The following ZNF704 variants were observed in gnomAD, a reference collection of about 807,000 sequenced individuals.
ZNF704 encodes the protein glucocorticoid induced gene 1.
In ZNF704, 10 loss-of-function variants were observed where a neutral mutation model predicts 44.7. The ratio of observed to expected loss-of-function variants is 0.22; its 90% confidence interval spans 0.14 to 0.38. ZNF704 has a LOEUF of 0.38. ZNF704 is among the 10% of genes least tolerant of loss of function. The pLI is 1.00. For synonymous variants in ZNF704, 211 were observed against 207.6 expected (o/e 1.02, Z -0.14); for missense variants, 390 against 545.5 (o/e 0.71, Z 2.84).
In ZNF704 at chr8:80,659,629, T is replaced by C. The variant is rs746350646; in HGVS notation, c.988A>G (p.Ser330Gly). Residue 330 changes from serine (S) to glycine (G), a missense_variant, in exon 7 of 9, where the codon AGC becomes GGC. Physicochemically the swap from Ser to Gly is moderately conservative, Grantham distance 56. Transcript: ENST00000327835. ...ACCGGAGGAGATTGCCAGGAAATGC[T>C]GAAGCTGCTGCCATTGGGGGTGAAC... is the stretch of plus-strand genomic sequence containing the variant. ...AKFTPNGSSF[S>G]ISWQSPPVTF... 1.2e-6 allele frequency: 2 copies of C among 1,614,058 alleles called. No homozygotes were observed. Among genetic ancestry groups the C allele is most frequent in the East Asian group, 2.2e-5 (1 of 44,880 alleles).
chr8:80,772,177 AT>A (rs1014654814), intron 2 of ZNF704, among the ~76,000 whole-genome samples: 10 of 151,930 alleles, frequency 6.6e-5, no homozygotes, highest in African/African-American at 2.2e-4. Flanking sequence ...CTGTATTCTT[AT>A]TTTTTTTGTA....
At chr8:80,710,598 T>A (rs954232474) in intron 2 of ZNF704, among the ~76,000 whole-genome samples, 1 of 152,118 alleles carries the variant, frequency 6.6e-6, no homozygotes, top group Non-Finnish European at 1.5e-5. Flanking sequence ...GTCATGAAGG[T>A]AGAGCCCCCA....
chr8:80,691,301 C>T (rs1366932900), intron 3 of ZNF704, among the ~76,000 whole-genome samples: 2 of 152,364 alleles, frequency 1.3e-5, no homozygotes, highest in Middle Eastern at 3.4e-3. Context: ...ATTCAGTGGT[C>T]TCAGTGCATT....
At chr8:80,872,496 T>G (rs1045489991) in intron 1 of ZNF704, among the ~76,000 whole-genome samples, 2 of 151,944 alleles carry the variant, frequency 1.3e-5, no homozygotes, top group East Asian at 1.9e-4. Flanking sequence ...TGTTCATGAG[T>G]TTTTTTTCTT....
chr8:80,824,936 G>C (rs576708813), intron 1 of ZNF704, among the ~76,000 whole-genome samples: 3 of 152,264 alleles, frequency 2.0e-5, no homozygotes, highest in South Asian at 2.1e-4. Flanking sequence ...ACTAAACATG[G>C]AAAGGAACAA....
rs575587793 is a variant in ZNF704 at position 80,802,320 on chromosome 8, C to T, written c.221+19054G>A. Reference sequence around the variant, plus strand: ...AAAAAACTGAAAAGGAGGGACTCCTCCCTAACTCATTCTATGAGGCCAGCA... The same window carrying T: ...AAAAAACTGAAAAGGAGGGACTCCTTCCTAACTCATTCTATGAGGCCAGCA... On this transcript the variant is annotated intron_variant, in intron 2 of 8. Coordinates refer to ENST00000327835, the MANE Select transcript of ZNF704 (RefSeq NM_001033723.3). Among the ~76,000 whole-genome samples, 5 of 152,260 alleles carry T rather than the reference C, an allele frequency of 3.3e-5. No homozygotes were observed. The South Asian group carries it at 1.0e-3, about 32-fold the overall frequency.
At chr8:80,834,508 T>TTTCG (rs1554585900) in intron 1 of ZNF704, among the ~76,000 whole-genome samples, 1 of 151,720 alleles carries the variant, frequency 6.6e-6, no homozygotes, top group Non-Finnish European at 1.5e-5. Context: ...GACAGCAAGT[T>TTTCG]TTTGTTTGTT....
chr8:80,772,460 C>T lies in ZNF704; in HGVS notation c.221+48914G>A, dbSNP rs529631835. On this transcript the variant is annotated intron_variant, in intron 2 of 8. Transcript: ENST00000327835. ...GGTCTCAGGAAACTTACAATCATGGCGAAAGGGGAAGGGGAAGCAGGCACA... is the reference window on the plus strand; with the variant it reads ...GGTCTCAGGAAACTTACAATCATGGTGAAAGGGGAAGGGGAAGCAGGCACA... 5.9e-5 allele frequency among the ~76,000 whole-genome samples: 9 copies of T among 151,932 alleles called. No homozygotes were observed. In the South Asian group the frequency reaches 6.3e-4, roughly 11 times the overall value.
intron 1 of ZNF704, among the ~76,000 whole-genome samples, chr8:80,831,706 T>G (rs1808475404): frequency 6.6e-6 from 1 of 152,186 alleles, no homozygotes. Context: ...GCTCACCTTT[T>G]GGGGTAAATG....
At chr8:80,654,355 T>C (rs1293031923) in intron 7 of ZNF704, among the ~76,000 whole-genome samples, 2 of 151,976 alleles carry the variant, frequency 1.3e-5, no homozygotes, top group Non-Finnish European at 2.9e-5. Context: ...CTAATTAAAC[T>C]AAAGAGCTTC....
intron 1 of ZNF704, among the ~76,000 whole-genome samples, chr8:80,838,905 G>A (rs976117886): frequency 3.3e-5 from 5 of 151,910 alleles, no homozygotes; most frequent in South Asian, 4.1e-4. Context: ...GGAGGAGAGC[G>A]GACCCTGGAG....
chr8:80,692,634 G>A (rs1818658213), intron 3 of ZNF704, among the ~76,000 whole-genome samples: 1 of 152,156 alleles, frequency 6.6e-6, no homozygotes, highest in South Asian at 2.1e-4. Flanking sequence ...AGAGTTCTTT[G>A]ATCCAACTGC....
At chr8:80,646,156 T>C (rs1008364808) in intron 7 of ZNF704, among the ~76,000 whole-genome samples, 2 of 152,234 alleles carry the variant, frequency 1.3e-5, no homozygotes, top group African/African-American at 4.8e-5. Context: ...TATTCTGTTA[T>C]AGCAGCACAA....
At chr8:80,725,691 T>C (rs966930534) in intron 2 of ZNF704, among the ~76,000 whole-genome samples, 4 of 152,112 alleles carry the variant, frequency 2.6e-5, no homozygotes, top group African/African-American at 7.2e-5. Flanking sequence ...GACAATATCC[T>C]TCATGAAAAA....
intron 2 of ZNF704, among the ~76,000 whole-genome samples, chr8:80,699,536 G>A (rs1396387201): frequency 6.6e-6 from 1 of 152,182 alleles, no homozygotes; most frequent in Non-Finnish European, 1.5e-5. Context: ...TACATCTGAA[G>A]CCATCTGTGG....
chr8:80,786,740 G>C (rs1054180325), intron 2 of ZNF704, among the ~76,000 whole-genome samples: 4 of 152,158 alleles, frequency 2.6e-5, no homozygotes, highest in African/African-American at 9.7e-5. Context: ...GCTTGTCCTG[G>C]ATGTTGTGAT....
chr8:80,750,124 TG>T (rs1806916451), intron 2 of ZNF704, among the ~76,000 whole-genome samples: 1 of 152,192 alleles, frequency 6.6e-6, no homozygotes, highest in African/African-American at 2.4e-5. Context: ...TATTCCTGCC[TG>T]CTCAGCCAAG....
At chr8:80,765,316 T>C (rs1807210133) in intron 2 of ZNF704, among the ~76,000 whole-genome samples, 1 of 152,144 alleles carries the variant, frequency 6.6e-6, no homozygotes, top group Admixed American at 6.5e-5. Flanking sequence ...CCTCCCCACC[T>C]GGTCCACTCC....
chr8:80,645,659 C>CG, intron 7 of ZNF704, among the ~76,000 whole-genome samples: 1 of 152,182 alleles, frequency 6.6e-6, no homozygotes, highest in East Asian at 1.9e-4. Flanking sequence ...GCTCCTGCTT[C>CG]ACCTTCCACC....
Sources: gnomAD v4.1 joint callset for allele counts (sites outside exome capture counted in the v4.1 genomes callset) on GRCh38, gnomAD v4.1.1 for gene constraint, MANE v1.5 for transcripts, NCBI Gene and HGNC (gene_info 2026-07-23, HGNC 2026-07-21) for gene names.